Variants in PTPRK observed in about 807,000 individuals in gnomAD.
PTPRK encodes the protein receptor-type tyrosine-protein phosphatase kappa.
In PTPRK, 75 loss-of-function variants were observed where a neutral mutation model predicts 178.0. That is an observed-to-expected ratio of 0.42 (90% CI 0.35 to 0.51). PTPRK has a LOEUF of 0.51. Among genes scored for constraint, PTPRK ranks in the 20% least tolerant of loss-of-function variants. The pLI, the probability that PTPRK is intolerant of heterozygous loss-of-function variation, is 0.02. For synonymous variants in PTPRK, 637 were observed against 620.6 expected (o/e 1.03, Z -0.39); for missense variants, 1,441 against 1,797.8 (o/e 0.80, Z 3.59).
At chr6:128,485,886 G>C (rs1477570171) in intron 1 of PTPRK, among the ~76,000 whole-genome samples, 1 of 152,166 alleles carries the variant, frequency 6.6e-6, no homozygotes, top group Non-Finnish European at 1.5e-5. Flanking sequence ...TCTTTCTTGA[G>C]TGATAAACAC....
chr6:128,474,169 G>A (rs191962957), intron 1 of PTPRK, among the ~76,000 whole-genome samples: 1 of 141,726 alleles, frequency 7.1e-6, no homozygotes, highest in Admixed American at 6.9e-5. Context: ...AGAGCAGGAT[G>A]GTAGGGGAAA....
At chr6:127,988,162 CT>C (rs939110222) in intron 21 of PTPRK, among the ~76,000 whole-genome samples, 2 of 109,246 alleles carry the variant, frequency 1.8e-5, no homozygotes, top group African/African-American at 5.8e-5. Flanking sequence ...TGAAATTGGT[CT>C]GCAATATGTG....
intron 1 of PTPRK, among the ~76,000 whole-genome samples, chr6:128,433,341 T>C (rs1845084017): frequency 6.6e-6 from 1 of 152,152 alleles, no homozygotes; most frequent in African/African-American, 2.4e-5. Flanking sequence ...TGAGATCAAC[T>C]TTTGAAACTC....
Position 128,502,914 on chromosome 6 carries a change from T to C in PTPRK, c.100+17345A>G, listed in dbSNP as rs148378618. Among the ~76,000 whole-genome samples, 174 of 152,240 alleles carry C rather than the reference T, an allele frequency of 1.1e-3. 1 individual carries two copies. The highest frequency in any genetic ancestry group is 3.9e-3 in the African/African-American group (163 of 41,552). ...AGCCATGGTGGTAGTATTTATACCA[T>C]GGAAACTGGCAAGTGCTAAAACCTG... is the stretch of plus-strand genomic sequence containing the variant. On this transcript the variant is annotated intron_variant, in intron 1 of 29. Coordinates refer to ENST00000368226, the MANE Select transcript of PTPRK (RefSeq NM_002844.4).
intron 6 of PTPRK, among the ~76,000 whole-genome samples, chr6:128,185,789 G>A (rs1802657098): frequency 6.6e-6 from 1 of 152,042 alleles, no homozygotes; most frequent in Non-Finnish European, 1.5e-5. Context: ...CAAATAGAGG[G>A]AAGTCATGAG....
At chr6:128,200,224 T>C (rs1271561177) in intron 6 of PTPRK, among the ~76,000 whole-genome samples, 2 of 152,180 alleles carry the variant, frequency 1.3e-5, no homozygotes, top group African/African-American at 4.8e-5. Context: ...TACTCTGCAT[T>C]GCCACTGTTA....
intron 1 of PTPRK, among the ~76,000 whole-genome samples, chr6:128,502,278 A>G (rs967883654): frequency 6.6e-6 from 1 of 152,220 alleles, no homozygotes; most frequent in African/African-American, 2.4e-5. Flanking sequence ...AAGAGAGTCA[A>G]TCCTGTATAG....
chr6:128,054,470 A>G (rs541047490), intron 13 of PTPRK, among the ~76,000 whole-genome samples: 117 of 152,306 alleles, frequency 7.7e-4, no homozygotes, highest in African/African-American at 2.6e-3. Flanking sequence ...AAAATTAATA[A>G]TTTTCAACTC....
chr6:128,226,205 A>T (rs565682114), intron 5 of PTPRK, among the ~76,000 whole-genome samples: 1 of 152,324 alleles, frequency 6.6e-6, no homozygotes, highest in South Asian at 2.1e-4. Context: ...TTCATCTAAC[A>T]TTGGGTATAT....
At chr6:128,236,435 G>A (rs1463207735) in intron 5 of PTPRK, among the ~76,000 whole-genome samples, 5 of 136,220 alleles carry the variant, frequency 3.7e-5, no homozygotes, top group African/African-American at 5.5e-5. Context: ...TGCAACCTCC[G>A]CCTCCCGGGT....
chr6:128,394,570 T>G (rs1273226659), intron 2 of PTPRK, among the ~76,000 whole-genome samples: 1 of 152,204 alleles, frequency 6.6e-6, no homozygotes, highest in African/African-American at 2.4e-5. Flanking sequence ...GTTAAGTAGG[T>G]GTTCATAATT....
intron 11 of PTPRK, among the ~76,000 whole-genome samples, chr6:128,076,517 C>G (rs1783844804): frequency 6.6e-6 from 1 of 151,896 alleles, no homozygotes; most frequent in Admixed American, 6.6e-5. Flanking sequence ...TTTTATTTTC[C>G]TGGTAGTAAC....
intron 2 of PTPRK, among the ~76,000 whole-genome samples, chr6:128,334,340 G>C (rs1042261001): frequency 8.5e-5 from 13 of 152,154 alleles, no homozygotes; most frequent in African/African-American, 3.1e-4. Flanking sequence ...GCCTGTAGCT[G>C]TACTGAATGA....
At chr6:128,510,382 A>T (rs904293345) in intron 1 of PTPRK, among the ~76,000 whole-genome samples, 1 of 152,224 alleles carries the variant, frequency 6.6e-6, no homozygotes, top group African/African-American at 2.4e-5. Context: ...TTTATTCATT[A>T]TTCAGTACCC....
intron 2 of PTPRK, among the ~76,000 whole-genome samples, chr6:128,345,323 T>C (rs1169278693): frequency 6.6e-6 from 1 of 152,166 alleles, no homozygotes; most frequent in South Asian, 2.1e-4. Context: ...TGCACTTTTG[T>C]TCCCACTACA....
At chr6:128,006,291 GA>G (rs1230830137) in intron 14 of PTPRK, among the ~76,000 whole-genome samples, 4 of 150,686 alleles carry the variant, frequency 2.7e-5, no homozygotes, top group Admixed American at 1.3e-4. Flanking sequence ...ACATAATTTG[GA>G]AAAAATAACA....
chr6:128,422,722 T>C (rs1843641379), intron 1 of PTPRK, among the ~76,000 whole-genome samples: 1 of 142,872 alleles, frequency 7.0e-6, no homozygotes, highest in Non-Finnish European at 1.5e-5. Context: ...ATTTCTGATG[T>C]TTAGAAATAT....
chr6:127,970,610 C>T (rs1773795862), intron 29 of PTPRK, among the ~76,000 whole-genome samples: 1 of 151,906 alleles, frequency 6.6e-6, no homozygotes, highest in East Asian at 1.9e-4. Context: ...AGAATATACA[C>T]ATTCTGAACA....
intron 13 of PTPRK, among the ~76,000 whole-genome samples, chr6:128,010,457 T>C (rs536679250): frequency 1.3e-5 from 2 of 151,350 alleles, no homozygotes; most frequent in South Asian, 4.2e-4. Flanking sequence ...ATTCTGATCC[T>C]TTCTTCTTTA....
Sources: allele counts gnomAD v4.1 joint callset (sites outside exome capture counted in the v4.1 genomes callset), GRCh38; gene constraint gnomAD v4.1.1; transcripts MANE v1.5; gene names NCBI Gene and HGNC (gene_info 2026-07-23, HGNC 2026-07-21).